MTOR: variants seen among roughly 807,000 people sequenced by gnomAD.
The protein encoded by MTOR is mechanistic target of rapamycin kinase.
MTOR carries 70 observed loss-of-function variants against 319.8 expected under a neutral mutation model. The ratio of observed to expected loss-of-function variants is 0.22; its 90% CI spans 0.18 to 0.27. MTOR has a LOEUF of 0.27. Ranked by LOEUF, MTOR falls within the 10% of genes least tolerant of loss-of-function variation. The pLI, the probability that MTOR is intolerant of heterozygous loss-of-function variation, is 1.00. For missense variants in MTOR, 1,890 were observed against 3,274.4 expected (o/e 0.58, Z 10.32); for synonymous variants, 1,183 against 1,211.4 (o/e 0.98, Z 0.49).
chr1:11,132,906 T>C (rs1400244648), intron 38 of MTOR, 174 bp downstream of exon 38: 1 of 624,544 alleles, frequency 1.6e-6, no homozygotes, highest in Non-Finnish European at 2.9e-6. Flanking sequence ...TTAATTAAAC[T>C]TGTAGGGGGA....
Position 11,133,243 on chromosome 1 carries a change from A to G in MTOR, c.5247-46T>C, listed in dbSNP as rs373649582. Reference sequence around the variant, plus strand: ...CCCCATGACATTCCCTCCTCAAAACAGCCCTCCTAAGAGGACCACAAATTG... The same window carrying G: ...CCCCATGACATTCCCTCCTCAAAACGGCCCTCCTAAGAGGACCACAAATTG... On this transcript the variant is annotated intron_variant, in intron 37 of 57. Transcript: ENST00000361445. The surrounding 1 kb of genome is among the most constrained non-coding windows in gnomAD (Gnocchi z 4.0). The G allele has an allele frequency of 1.4e-5, 21 of 1,523,552 alleles. No individual in the cohort carries two copies. Among genetic ancestry groups the G allele is most frequent in the Admixed American group, 3.3e-5 (2 of 59,866 alleles). The allele number at this position is 1,523,552 out of a possible 1,614,324, so 94.4% of individuals were successfully genotyped here.
intron 19 of MTOR, among the ~76,000 whole-genome samples, chr1:11,223,167 G>A (rs1316940085): frequency 6.7e-6 from 1 of 150,032 alleles, no homozygotes; most frequent in East Asian, 1.9e-4. Flanking sequence ...ACAAATACAT[G>A]ACTTTTTTTT....
chr1:11,191,373 C>T (rs1645524664), intron 28 of MTOR, among the ~76,000 whole-genome samples: 1 of 152,170 alleles, frequency 6.6e-6, no homozygotes, highest in Non-Finnish European at 1.5e-5. Context: ...CTCTACCTCC[C>T]TTTCCCAAGG....
chr1:11,256,132 G>T lies in MTOR; in HGVS notation c.565C>A (p.Pro189Thr). ...GCCACAAAAATGTTGTCAAAGAAGG[G>T]TTGCACTTGCTGGAAGAAGAAGGTA... ...VPTFFFQQVQ[P>T]FFDNIFVAVW... Residue 189 changes from proline (P) to threonine (T), a missense_variant, in exon 5 of 58, where the codon CCC (proline) becomes ACC (threonine). Around this residue, in one of 15 missense-constraint regions of MTOR, gnomAD observed 81 missense variants for 203.6 expected, o/e 0.40. Coordinates refer to ENST00000361445, the MANE Select transcript of MTOR (RefSeq NM_004958.4). The T allele has an allele frequency of 6.2e-7, 1 of 1,614,186 alleles. No individual in the cohort carries two copies. The highest frequency in any genetic ancestry group is 8.5e-7 in the Non-Finnish European group (1 of 1,180,030).
intron 6 of MTOR, among the ~76,000 whole-genome samples, chr1:11,248,778 C>A (rs1048519230): frequency 7.9e-5 from 12 of 152,132 alleles, no homozygotes; most frequent in Admixed American, 2.6e-4. Context: ...CACCACTGCA[C>A]TCTAGCCTGG....
chr1:11,154,529 A>C lies in MTOR; in HGVS notation c.4469+2623T>G, dbSNP rs571021163. 2.5e-3 allele frequency among the ~76,000 whole-genome samples: 381 copies of C among 152,178 alleles called. 1 individual carries two copies. Among genetic ancestry groups the C allele is most frequent in the Non-Finnish European group, 3.0e-3 (205 of 68,004 alleles). Reference sequence around the variant, plus strand: ...TGGAATATTATCTCTCTCTCTATATATATATATATGATCCAATGCCTAAGG... The same window carrying C: ...TGGAATATTATCTCTCTCTCTATATCTATATATATGATCCAATGCCTAAGG... On this transcript the variant is annotated intron_variant, in intron 30 of 57. Coordinates refer to ENST00000361445, the MANE Select transcript of MTOR (RefSeq NM_004958.4).
At position 11,199,861 on chromosome 1, in the gene MTOR, A is replaced by G. The variant is rs1645903122; in HGVS notation, c.3945-158T>C. Among the ~76,000 whole-genome samples the G allele has an allele frequency of 1.3e-5, 2 of 152,204 alleles. No homozygotes were observed. Among genetic ancestry groups the G allele is most frequent in the Admixed American group, 1.3e-4 (2 of 15,282 alleles). Reference sequence around the variant, plus strand: ...GTCCAAGAGAATTTTCCTGTCCAATATGGTAGCCAGTGATCACTAAAGCAC... The same window carrying G: ...GTCCAAGAGAATTTTCCTGTCCAATGTGGTAGCCAGTGATCACTAAAGCAC... On this transcript the variant is annotated intron_variant, in intron 26 of 57. Coordinates refer to ENST00000361445, the MANE Select transcript of MTOR (RefSeq NM_004958.4). The surrounding 1 kb of genome is among the most constrained non-coding windows in gnomAD (Gnocchi z 4.5).
At chr1:11,181,363 A>C (rs1325221164) in intron 28 of MTOR, among the ~76,000 whole-genome samples, 1 of 152,090 alleles carries the variant, frequency 6.6e-6, no homozygotes. Flanking sequence ...TTATTGATTT[A>C]AAAAATGGGG....
chr1:11,140,983 GAA>G (rs56098089), intron 34 of MTOR, among the ~76,000 whole-genome samples: 5 of 129,836 alleles, frequency 3.9e-5, no homozygotes, highest in African/African-American at 1.3e-4. Flanking sequence ...TAAGACTTCT[GAA>G]AAAAAAAAAA....
At chr1:11,257,971 A>C (rs1224217320) in intron 3 of MTOR, among the ~76,000 whole-genome samples, 2 of 151,360 alleles carry the variant, frequency 1.3e-5, no homozygotes, top group African/African-American at 4.9e-5. Flanking sequence ...TTAGCTGGGC[A>C]TGGTGGCAGG....
intron 20 of MTOR, among the ~76,000 whole-genome samples, chr1:11,215,001 T>C (rs905482887): frequency 6.6e-6 from 1 of 152,166 alleles, no homozygotes; most frequent in African/African-American, 2.4e-5. Flanking sequence ...GGGAGCTCAT[T>C]AAAATGCCCA....
chr1:11,200,716 T>C (rs537866450), intron 26 of MTOR, among the ~76,000 whole-genome samples: 2 of 152,096 alleles, frequency 1.3e-5, no homozygotes, highest in Non-Finnish European at 2.9e-5. Flanking sequence ...AAAAAGTCTG[T>C]TATAAATTTA....
chr1:11,124,347 G>T, intron 47 of MTOR, 151 bp downstream of exon 47: 1 of 1,027,500 alleles, frequency 9.7e-7, no homozygotes. Context: ...CTCAACCTCT[G>T]GAGTTTCTGG....
At chr1:11,167,727 GGTCA>G (rs1411186954) in intron 28 of MTOR, among the ~76,000 whole-genome samples, 1 of 152,164 alleles carries the variant, frequency 6.6e-6, no homozygotes, top group Non-Finnish European at 1.5e-5. Context: ...TGATTCTGGG[GGTCA>G]GTAATGGGAA....
At chr1:11,228,261 T>A (rs1017598411) in intron 19 of MTOR, among the ~76,000 whole-genome samples, 2 of 151,956 alleles carry the variant, frequency 1.3e-5, no homozygotes, top group Non-Finnish European at 2.9e-5. Flanking sequence ...CGATCTCAGC[T>A]CACTGCAACC....
intron 39 of MTOR, among the ~76,000 whole-genome samples, chr1:11,130,291 G>C (rs969673992): frequency 1.3e-5 from 2 of 152,230 alleles, no homozygotes; most frequent in African/African-American, 4.8e-5. Context: ...CTCGTCCACA[G>C]GGAAGCTTGA....
At chr1:11,135,185 C>T (rs1273811005) in intron 36 of MTOR, among the ~76,000 whole-genome samples, 2 of 152,110 alleles carry the variant, frequency 1.3e-5, no homozygotes, top group Non-Finnish European at 2.9e-5. Flanking sequence ...GACTACTGTA[C>T]AAGCCCGCCA....
chr1:11,242,552 A>G (rs79610428), intron 9 of MTOR, among the ~76,000 whole-genome samples: 4,659 of 150,716 alleles, frequency 0.031, 191 homozygotes, highest in African/African-American at 0.073. Context: ...TTAATTCACC[A>G]CAGCAATCTT....
chr1:11,203,917 C>T (rs1420706309), intron 26 of MTOR, among the ~76,000 whole-genome samples: 1 of 152,192 alleles, frequency 6.6e-6, no homozygotes, highest in Non-Finnish European at 1.5e-5. Flanking sequence ...TCTTCTACTA[C>T]CTCGTTCTCT....
Sources: gnomAD v4.1 joint callset for allele counts (sites outside exome capture counted in the v4.1 genomes callset) on GRCh38, gnomAD v4.1.1 for gene constraint, gnomAD v4.1.1 regional missense constraint, Gnocchi (gnomAD v3.1) non-coding constraint, MANE v1.5 for transcripts, NCBI Gene and HGNC (gene_info 2026-07-23, HGNC 2026-07-21) for gene names.